MBD5: variants seen among roughly 807,000 people sequenced by gnomAD.
MBD5 encodes the protein methyl-CpG binding domain protein 5.
In MBD5, 13 loss-of-function variants were observed where a neutral mutation model predicts 117.3. The observed-to-expected ratio is 0.11, with a 90% CI of 0.07 to 0.18. The LOEUF is 0.18. Among genes scored for constraint, MBD5 ranks in the 10% least tolerant of loss-of-function variants. The pLI, the probability that MBD5 is intolerant of heterozygous loss-of-function variation, is 1.00. For missense variants in MBD5, 1,879 were observed against 2,093.8 expected (o/e 0.90, Z 2.00); for synonymous variants, 727 against 766.4 (o/e 0.95, Z 0.85).
intron 3 of MBD5, among the ~76,000 whole-genome samples, chr2:148,302,116 G>C (rs575144523): frequency 6.6e-6 from 1 of 152,248 alleles, no homozygotes; most frequent in South Asian, 2.1e-4. Context: ...ATATTTTTAA[G>C]TTCAAAAATA....
intron 12 of MBD5, 135 bp from the exon 13 acceptor site, chr2:148,509,925 A>C: frequency 1.4e-6 from 1 of 700,572 alleles, no homozygotes; most frequent in Non-Finnish European, 2.6e-6. Context: ...ATGTTTTGTC[A>C]TCTGAATTTT....
At chr2:148,184,973 T>G (rs997293481) in intron 2 of MBD5, among the ~76,000 whole-genome samples, 19 of 152,360 alleles carry the variant, frequency 1.2e-4, no homozygotes, top group African/African-American at 3.6e-4. Flanking sequence ...CTTTACGGTT[T>G]AGTAGGAAAG....
intron 2 of MBD5, among the ~76,000 whole-genome samples, chr2:148,227,256 G>T (rs1352057940): frequency 6.6e-5 from 10 of 152,024 alleles, no homozygotes; most frequent in Non-Finnish European, 1.0e-4. Flanking sequence ...GGTCTAACAT[G>T]TAAGTCTTTA....
intron 4 of MBD5, among the ~76,000 whole-genome samples, chr2:148,377,702 C>G (rs912207558): frequency 2.6e-5 from 4 of 152,176 alleles, no homozygotes; most frequent in Admixed American, 6.5e-5. Flanking sequence ...GCTATGGAGG[C>G]CTTCAATAAT....
At chr2:148,156,314 G>C (rs1036623916) in intron 1 of MBD5, among the ~76,000 whole-genome samples, 8 of 152,102 alleles carry the variant, frequency 5.3e-5, no homozygotes, top group African/African-American at 1.7e-4. Flanking sequence ...GCTCCCACAG[G>C]CCCCACTTGT....
intron 12 of MBD5, among the ~76,000 whole-genome samples, chr2:148,509,259 G>C (rs1258454001): frequency 6.6e-6 from 1 of 152,212 alleles, no homozygotes; most frequent in Non-Finnish European, 1.5e-5. Flanking sequence ...TTAACAGTCA[G>C]GATGGGCAAA....
At chr2:148,068,891 A>C (rs1429012702) in intron 1 of MBD5, among the ~76,000 whole-genome samples, 2 of 152,182 alleles carry the variant, frequency 1.3e-5, no homozygotes, top group African/African-American at 4.8e-5. Context: ...ATTTATAAGG[A>C]AGCTATTCAG....
At chr2:148,385,674 G>A (rs546667432) in intron 4 of MBD5, among the ~76,000 whole-genome samples, 53 of 151,464 alleles carry the variant, frequency 3.5e-4, no homozygotes, top group Admixed American at 7.9e-4. Flanking sequence ...TGTTTATTGC[G>A]GCACTATTCA....
chr2:148,262,691 A>G (rs1700760266), intron 3 of MBD5, among the ~76,000 whole-genome samples: 1 of 152,240 alleles, frequency 6.6e-6, no homozygotes, highest in Admixed American at 6.5e-5. Context: ...ACCAAGGCAG[A>G]TAGACTGTAG....
chr2:148,423,891 G>A (rs1054684774), intron 4 of MBD5, among the ~76,000 whole-genome samples: 3 of 151,910 alleles, frequency 2.0e-5, no homozygotes, highest in African/African-American at 7.2e-5. Context: ...AAAAAGCAGG[G>A]GTTGTGGCCA....
At position 148,046,839 on chromosome 2, in the gene MBD5, A is replaced by C. The variant is rs539844019; in HGVS notation, c.-925+25155A>C. ...GGTTATGTCACTACCCTAATTAAAA[A>C]CCTTGTGGATTGTTCCTTTTTATTG... On this transcript the variant is annotated intron_variant, in intron 1 of 13. Transcript: ENST00000642680. 4.6e-5 allele frequency among the ~76,000 whole-genome samples: 7 copies of C among 152,170 alleles called. No homozygotes were observed. The East Asian group carries it at 1.4e-3, about 29-fold the overall frequency.
chr2:148,327,497 G>T (rs1286260776), intron 3 of MBD5, among the ~76,000 whole-genome samples: 2 of 152,048 alleles, frequency 1.3e-5, no homozygotes, highest in Admixed American at 1.3e-4. Context: ...CGTAGATTTG[G>T]TCTTTTCACA....
At chr2:148,093,117 G>C (rs1056790016) in intron 1 of MBD5, among the ~76,000 whole-genome samples, 2 of 152,094 alleles carry the variant, frequency 1.3e-5, no homozygotes, top group Non-Finnish European at 2.9e-5. Flanking sequence ...CACCATGTTG[G>C]TCAGGCTGGT....
chr2:148,049,052 A>G (rs1647219397), intron 1 of MBD5, among the ~76,000 whole-genome samples: 2 of 152,200 alleles, frequency 1.3e-5, no homozygotes, highest in South Asian at 2.1e-4. Flanking sequence ...AGCAAGAGTC[A>G]TATTGACCAC....
intron 4 of MBD5, among the ~76,000 whole-genome samples, chr2:148,445,621 G>A (rs1207096391): frequency 6.6e-6 from 1 of 151,358 alleles, no homozygotes; most frequent in South Asian, 2.1e-4. Context: ...CTTTATAGCA[G>A]CATGATTTAT....
rs931587870 is a variant in MBD5 at position 148,451,625 on chromosome 2, A to T, written c.-556-6578A>T. ...TCCAATAAAATGATAATTATGTTGT[A>T]GCCACTCAGACTTCCCTCTCCACAA... On this transcript the variant is annotated intron_variant, in intron 4 of 13. Transcript: ENST00000642680. 2.9e-4 allele frequency among the ~76,000 whole-genome samples: 44 copies of T among 152,212 alleles called. 1 individual carries two copies. The highest frequency in any genetic ancestry group is 1.5e-5 in the Non-Finnish European group (1 of 68,038).
chr2:148,495,439 T>C (rs1681671386), intron 11 of MBD5, among the ~76,000 whole-genome samples: 1 of 152,218 alleles, frequency 6.6e-6, no homozygotes, highest in South Asian at 2.1e-4. Flanking sequence ...TTTTTCTGCA[T>C]AGATCATTTT....
intron 1 of MBD5, among the ~76,000 whole-genome samples, chr2:148,057,781 T>G (rs956919478): frequency 1.3e-5 from 2 of 151,986 alleles, no homozygotes; most frequent in Non-Finnish European, 2.9e-5. Context: ...TCTTAAAGTT[T>G]AGCAGCTGCA....
chr2:148,072,435 G>A (rs1695383811), intron 1 of MBD5, among the ~76,000 whole-genome samples: 1 of 152,062 alleles, frequency 6.6e-6, no homozygotes, highest in Admixed American at 6.5e-5. Flanking sequence ...GGTTTGCTTT[G>A]TATCTAAAAA....
Sources: gnomAD v4.1 joint callset for allele counts (sites outside exome capture counted in the v4.1 genomes callset) on GRCh38, gnomAD v4.1.1 for gene constraint, MANE v1.5 for transcripts, NCBI Gene and HGNC (gene_info 2026-07-23, HGNC 2026-07-21) for gene names.